Variants in DOP1B observed in about 807,000 individuals in gnomAD.
DOP1B encodes protein DOP1B.
Under a neutral mutation model 233.5 loss-of-function variants are expected in DOP1B, and 174 were observed. The observed-to-expected ratio is 0.75, with a 90% CI of 0.66 to 0.85. The LOEUF is 0.85. Among genes scored for constraint, DOP1B ranks in the 40% least tolerant of loss-of-function variants. The pLI, the probability that DOP1B is intolerant of heterozygous loss-of-function variation, is 0.00. For missense variants in DOP1B, 2,652 were observed against 2,846.6 expected, an observed-to-expected ratio of 0.93 and a Z score of 1.56; for synonymous variants, 1,190 against 1,185.6, an observed-to-expected ratio of 1.00 and a Z score of -0.08.
In DOP1B at chr21:36,246,554, A is replaced by G. The variant is rs766753213; in HGVS notation, c.4574A>G (p.His1525Arg). Reference sequence around the variant, plus strand: ...CCGGCCTGGGTGAGCTTGGTCACGCATTCCTTGCCCTACTTCGGAAAGTCC... The same window carrying G: ...CCGGCCTGGGTGAGCTTGGTCACGCGTTCCTTGCCCTACTTCGGAAAGTCC... ...MHPAWVSLVTHSLPYFGKSLG... is the reference protein window; with the variant it reads ...MHPAWVSLVTRSLPYFGKSLG... Residue 1525 changes from histidine (H) to arginine (R), a missense_variant, in exon 19 of 37, where the codon CAT becomes CGT. By Grantham distance (29) the His-to-Arg change is conservative. Around this residue, in one of 3 missense-constraint regions of DOP1B, gnomAD observed 2,617 missense variants for 2,794.3 expected, o/e 0.94. Coordinates refer to ENST00000691173, the MANE Select transcript of DOP1B (RefSeq NM_001320714.2). The surrounding 1 kb of genome is among the most constrained non-coding windows in gnomAD (Gnocchi z 5.1). 3 of 1,614,172 alleles carry G rather than the reference A, an allele frequency of 1.9e-6. No individual in the cohort carries two copies. The South Asian group carries it at 3.3e-5, about 18-fold the overall frequency.
chr21:36,288,886 G>A, intron 34 of DOP1B, 75 bp downstream of exon 34: 1 of 1,458,688 alleles, frequency 6.9e-7, no homozygotes, highest in Non-Finnish European at 9.5e-7. Context: ...ATATAGAGTT[G>A]TCTAATGTTA....
At chr21:36,262,741 A>G (rs182022159) in intron 24 of DOP1B, among the ~76,000 whole-genome samples, 68 of 151,974 alleles carry the variant, frequency 4.5e-4, no homozygotes, top group African/African-American at 1.6e-3. Context: ...AAAAATACAA[A>G]AAATTAGCCC....
chr21:36,249,302 C>T (rs1300383085), intron 21 of DOP1B, among the ~76,000 whole-genome samples: 1 of 148,116 alleles, frequency 6.8e-6, no homozygotes, highest in Non-Finnish European at 1.5e-5. Context: ...GTGGCAGGCA[C>T]CTGTAGTCCG....
rs2065840550 is a variant in DOP1B at position 36,158,497 on chromosome 21, CGT to C, written c.-27+1557_-27+1558del. ...GGCCTAATACCCATCTCACAGGACT[CGT>C]GTATTGCAGTAAAGAAATGCATGCA... On this transcript the variant is annotated intron_variant, in intron 1 of 36. Coordinates refer to ENST00000691173, the MANE Select transcript of DOP1B (RefSeq NM_001320714.2). Among the ~76,000 whole-genome samples, 6 of 152,240 alleles carry C rather than the reference CGT, an allele frequency of 3.9e-5. No individual in the cohort carries two copies. In the South Asian group the frequency reaches 1.2e-3, roughly 32 times the overall value.
chr21:36,180,282 CACTT>C (rs2066081248), intron 2 of DOP1B, among the ~76,000 whole-genome samples: 1 of 152,136 alleles, frequency 6.6e-6, no homozygotes, highest in East Asian at 1.9e-4. Context: ...AAAATGTACT[CACTT>C]TGCTGGCCGC....
chr21:36,230,768 A>T lies in DOP1B; in HGVS notation c.1984A>T (p.Lys662Ter). 1 of 1,614,188 alleles carries T rather than the reference A, an allele frequency of 6.2e-7. No homozygotes were observed. Among genetic ancestry groups the T allele is most frequent in the Non-Finnish European group, 8.5e-7 (1 of 1,180,042 alleles). Residue 662 changes from lysine (K) to a stop codon, truncating the protein, a stop_gained, in exon 14 of 37, where the codon AAG becomes TAG. Coordinates refer to ENST00000691173, the MANE Select transcript of DOP1B (RefSeq NM_001320714.2). LOFTEE classifies it high-confidence loss of function. ...EESKSEEPAG[K>*]RDRDGTQSLA... ...AAGCAAGTCCGAGGAGCCTGCAGGGAAGAGGGACAGGGATGGGACGCAGAG... is the reference window on the plus strand; with the variant it reads ...AAGCAAGTCCGAGGAGCCTGCAGGGTAGAGGGACAGGGATGGGACGCAGAG...
At chr21:36,237,995 C>G (rs1204914181) in intron 16 of DOP1B, among the ~76,000 whole-genome samples, 3 of 152,148 alleles carry the variant, frequency 2.0e-5, no homozygotes, top group Non-Finnish European at 2.9e-5. Context: ...TGGTGAAACC[C>G]TGTCTGTACT....
At position 36,164,891 on chromosome 21, in the gene DOP1B, TTTGGATTGCATGGAGGTGGGGACGTA is replaced by T; in HGVS notation, c.138+21_138+46del. On this transcript the variant is annotated intron_variant, in intron 2 of 36. Transcript: ENST00000691173. ...AACAAGGTATGTAGGGTGTATCCTA[TTTGGATTGCATGGAGGTGGGGACGTA>T]ATTGTCTTTTTATTATTATAAGAAA... is the stretch of plus-strand genomic sequence containing the variant. The T allele has an allele frequency of 6.6e-7, 1 of 1,512,534 alleles. No individual in the cohort carries two copies. Among genetic ancestry groups the T allele is most frequent in the Non-Finnish European group, 8.8e-7 (1 of 1,130,580 alleles). 93.7% of individuals were successfully genotyped at this position (1,512,534 alleles called of 1,614,324 possible). A position where few individuals can be genotyped will look rare whatever the true frequency, so the allele number is the denominator to read the frequency against.
rs186738977 is a variant in DOP1B, at chr21:36,210,738, G to C, written c.682-815G>C. ...GAGACACGAGAATCGCTTGAACGCCGGTGGCAGAGGTTGCAGTGAGTCAAG... is the reference window on the plus strand; with the variant it reads ...GAGACACGAGAATCGCTTGAACGCCCGTGGCAGAGGTTGCAGTGAGTCAAG... On this transcript the variant is annotated intron_variant, in intron 5 of 36. Transcript: ENST00000691173. 6.5e-3 allele frequency among the ~76,000 whole-genome samples: 987 copies of C among 152,306 alleles called. 7 individuals are homozygous for C. Among genetic ancestry groups the C allele is most frequent in the Middle Eastern group, 0.024 (7 of 294 alleles).
intron 22 of DOP1B, 132 bp from the exon 23 acceptor site, chr21:36,253,640 A>AG: frequency 5.2e-6 from 5 of 967,106 alleles, no homozygotes; most frequent in Non-Finnish European, 7.0e-6. Flanking sequence ...CGTGTTTCAA[A>AG]AAAAAAAAAA....
At chr21:36,284,561 G>T (rs1044065680) in intron 32 of DOP1B, among the ~76,000 whole-genome samples, 1 of 152,122 alleles carries the variant, frequency 6.6e-6, no homozygotes, top group East Asian at 1.9e-4. Flanking sequence ...GAGCCACTGC[G>T]CCCAGCCCTG....
intron 10 of DOP1B, among the ~76,000 whole-genome samples, chr21:36,222,534 C>T (rs1388650071): frequency 6.7e-6 from 1 of 150,186 alleles, no homozygotes; most frequent in African/African-American, 2.4e-5. Flanking sequence ...TGCAGTGAGC[C>T]GAGATTGTAC....
chr21:36,270,187 C>T, intron 27 of DOP1B, 30 bp downstream of exon 27: 8 of 1,609,308 alleles, frequency 5.0e-6, no homozygotes, highest in Non-Finnish European at 6.8e-6. Flanking sequence ...CTGATAGTGC[C>T]TCTGGTCAGC....
At chr21:36,285,807 G>A (rs1480387833) in intron 32 of DOP1B, among the ~76,000 whole-genome samples, 1 of 152,054 alleles carries the variant, frequency 6.6e-6, no homozygotes, top group Non-Finnish European at 1.5e-5. Flanking sequence ...AGGAGTTCAA[G>A]ACCAACCTGG....
chr21:36,227,163 A>C (rs889707314), intron 12 of DOP1B, among the ~76,000 whole-genome samples: 3 of 146,988 alleles, frequency 2.0e-5, no homozygotes, highest in Non-Finnish European at 1.5e-5. Context: ...AGCCGAGATC[A>C]CACCACTGCA....
intron 24 of DOP1B, chr21:36,261,445 G>A (rs2067170639): frequency 1.0e-6 from 1 of 986,434 alleles, no homozygotes; most frequent in Non-Finnish European, 1.2e-6. Flanking sequence ...ATGTGGAGAG[G>A]TATCTGCTTT....
Position 36,200,468 on chromosome 21 carries a change from C to A in DOP1B, c.458C>A (p.Pro153His), listed in dbSNP as rs957488679. Reference protein sequence around the residue: ...SLQAFIVGLLPGLEEGSEISD... With the variant: ...SLQAFIVGLLHGLEEGSEISD... ...CAGGCCTTCATCGTGGGCCTGCTGCCCGGCCTTGAAGAGGGCTCCGAGATC... is the reference window on the plus strand; with the variant it reads ...CAGGCCTTCATCGTGGGCCTGCTGCACGGCCTTGAAGAGGGCTCCGAGATC... The change falls in exon 4 of 37, where the codon CCC becomes CAC. Residue 153 changes from proline (P) to histidine (H), a missense_variant. Coordinates refer to ENST00000691173, the MANE Select transcript of DOP1B (RefSeq NM_001320714.2). 5.0e-6 allele frequency: 8 copies of A among 1,611,854 alleles called. No individual in the cohort carries two copies. Among genetic ancestry groups the A allele is most frequent in the Non-Finnish European group, 6.8e-6 (8 of 1,179,616 alleles).
At chr21:36,244,043 T>C (rs1449005211) in intron 18 of DOP1B, among the ~76,000 whole-genome samples, 1 of 145,334 alleles carries the variant, frequency 6.9e-6, no homozygotes, top group African/African-American at 2.6e-5. Flanking sequence ...TTTTTTTTTT[T>C]TGAGACAGAG....
At chr21:36,201,591 G>A (rs942118338) in intron 4 of DOP1B, among the ~76,000 whole-genome samples, 13 of 151,562 alleles carry the variant, frequency 8.6e-5, no homozygotes, top group African/African-American at 2.9e-4. Context: ...CAAGTGATCC[G>A]CCCACCTCAG....
Sources: allele counts gnomAD v4.1 joint callset (sites outside exome capture counted in the v4.1 genomes callset), GRCh38; gene constraint gnomAD v4.1.1; regional missense constraint gnomAD v4.1.1; non-coding constraint Gnocchi (gnomAD v3.1); transcripts MANE v1.5; gene names NCBI Gene and HGNC (gene_info 2026-07-23, HGNC 2026-07-21).